CSMD1: variants seen among roughly 807,000 people sequenced by gnomAD.
The protein encoded by CSMD1 is CUB and Sushi multiple domains 1, also known as CUB and sushi domain-containing protein 1.
CSMD1 carries 213 observed loss-of-function variants against 417.5 expected under a neutral mutation model. The ratio of observed to expected loss-of-function variants is 0.51; its 90% confidence interval spans 0.46 to 0.57. CSMD1 has a LOEUF of 0.57. CSMD1 is among the 20% of genes least tolerant of loss of function. The pLI is 0.00. For synonymous variants in CSMD1, 2,862 were observed against 1,736.8 expected (o/e 1.65, Z -16.11); for missense variants, 6,923 against 4,529.7 (o/e 1.53, Z -15.17).
chr8:3,889,470 T>C (rs1212907489), intron 5 of CSMD1, among the ~76,000 whole-genome samples: 4 of 104,074 alleles, frequency 3.8e-5, no homozygotes, highest in East Asian at 2.8e-4. Context: ...TATATATATA[T>C]ATATATATAT....
chr8:4,224,455 G>C (rs983444963), intron 3 of CSMD1, among the ~76,000 whole-genome samples: 1 of 151,728 alleles, frequency 6.6e-6, no homozygotes, highest in Non-Finnish European at 1.5e-5. Flanking sequence ...TCAGAGGCCA[G>C]GTTGGGGAAT....
intron 1 of CSMD1, among the ~76,000 whole-genome samples, chr8:4,839,699 C>G (rs887366987): frequency 6.6e-6 from 1 of 152,140 alleles, no homozygotes; most frequent in Non-Finnish European, 1.5e-5. Context: ...CTCATGAACT[C>G]AAAGATAAGT....
chr8:4,106,977 T>A (rs569151935), intron 3 of CSMD1, among the ~76,000 whole-genome samples: 1 of 152,318 alleles, frequency 6.6e-6, no homozygotes, highest in East Asian at 1.9e-4. Flanking sequence ...CGTCAGAGAC[T>A]CAGCAGATGG....
At chr8:4,401,900 C>T (rs1239447648) in intron 3 of CSMD1, among the ~76,000 whole-genome samples, 1 of 152,112 alleles carries the variant, frequency 6.6e-6, no homozygotes, top group African/African-American at 2.4e-5. Context: ...AGGTTACTCA[C>T]ATGTAGATCC....
In CSMD1 at chr8:3,023,506, T is replaced by C. The variant is rs28417389; in HGVS notation, c.7856-4856A>G. On this transcript the variant is annotated intron_variant, in intron 51 of 69. Coordinates refer to ENST00000635120, the MANE Select transcript of CSMD1 (RefSeq NM_033225.6). ...CTCTACATATTCAATTTTAACTTTC[T>C]CTTATTGTTTCTTGAAGGACAGGAC... Among the ~76,000 whole-genome samples, 722 of 152,256 alleles carry C rather than the reference T, an allele frequency of 4.7e-3. 2 individuals carry two copies. Among genetic ancestry groups the C allele is most frequent in the Non-Finnish European group, 8.1e-3 (550 of 68,024 alleles).
At chr8:4,429,737 C>A (rs1018412932) in intron 2 of CSMD1, among the ~76,000 whole-genome samples, 10 of 152,124 alleles carry the variant, frequency 6.6e-5, no homozygotes, top group African/African-American at 1.2e-4. Flanking sequence ...TCCTGTAACC[C>A]ACAGCCGTAT....
chr8:4,052,493 G>T (rs906387173), intron 3 of CSMD1, among the ~76,000 whole-genome samples: 1 of 152,158 alleles, frequency 6.6e-6, no homozygotes, highest in Non-Finnish European at 1.5e-5. Flanking sequence ...GGGTCAGAGT[G>T]CAGTGGGAGA....
chr8:4,161,102 G>A (rs1027186820), intron 3 of CSMD1, among the ~76,000 whole-genome samples: 1 of 139,854 alleles, frequency 7.2e-6, no homozygotes, highest in African/African-American at 2.6e-5. Flanking sequence ...ACATTTCCAG[G>A]AAATATAAAC....
intron 3 of CSMD1, among the ~76,000 whole-genome samples, chr8:4,152,731 T>C (rs1796633644): frequency 1.3e-5 from 2 of 151,654 alleles, no homozygotes; most frequent in Non-Finnish European, 2.9e-5. Context: ...ACACACACAA[T>C]AGATATATAC....
At chr8:2,956,936 A>G (rs663659) in intron 63 of CSMD1, among the ~76,000 whole-genome samples, 68,705 of 151,894 alleles carry the variant, frequency 0.45, 17,252 homozygotes, top group African/African-American at 0.69. Context: ...AATTTGAGTA[A>G]TGATTTAGAG....
intron 18 of CSMD1, among the ~76,000 whole-genome samples, chr8:3,380,537 C>G (rs1010103138): frequency 6.6e-6 from 1 of 152,168 alleles, no homozygotes. Flanking sequence ...GGCACATATA[C>G]ATCATGGAAT....
rs113420810 is a variant in CSMD1 at position 4,240,289 on chromosome 8, T to C, written c.415+179664A>G. Among the ~76,000 whole-genome samples the C allele has an allele frequency of 4.8e-3, 737 of 152,332 alleles. 8 individuals carry two copies. The highest frequency in any genetic ancestry group is 0.017 in the African/African-American group (692 of 41,572). On this transcript the variant is annotated intron_variant, in intron 3 of 69. Coordinates refer to ENST00000635120, the MANE Select transcript of CSMD1 (RefSeq NM_033225.6). ...TTCACTGGGAAACCTCTGATTGCTT[T>C]GACCCTTATCACCTTGTACAAGTTA...
At chr8:4,039,879 T>C (rs1184753014) in intron 3 of CSMD1, among the ~76,000 whole-genome samples, 1 of 152,192 alleles carries the variant, frequency 6.6e-6, no homozygotes, top group Non-Finnish European at 1.5e-5. Context: ...TTGGACAAAT[T>C]ACTTAGATCT....
intron 3 of CSMD1, among the ~76,000 whole-genome samples, chr8:4,053,674 T>C (rs1585214180): frequency 6.6e-6 from 1 of 152,010 alleles, no homozygotes; most frequent in African/African-American, 2.4e-5. Flanking sequence ...ACCCCAAAAA[T>C]AGCAGGTTAA....
chr8:4,023,822 T>G (rs1796918459), intron 4 of CSMD1, among the ~76,000 whole-genome samples: 1 of 138,288 alleles, frequency 7.2e-6, no homozygotes, highest in Non-Finnish European at 1.5e-5. Flanking sequence ...TTTCAGCATG[T>G]TAGCCAGGAT....
At chr8:3,856,135 G>A (rs1804294144) in intron 5 of CSMD1, among the ~76,000 whole-genome samples, 1 of 152,064 alleles carries the variant, frequency 6.6e-6, no homozygotes, top group Admixed American at 6.6e-5. Flanking sequence ...GGGGCTTGGT[G>A]GGAGGTGACT....
intron 7 of CSMD1, among the ~76,000 whole-genome samples, chr8:3,657,111 T>A (rs746136463): frequency 1.3e-5 from 2 of 152,150 alleles, no homozygotes; most frequent in East Asian, 3.9e-4. Flanking sequence ...GACATTGTCA[T>A]TGGAGAATAT....
intron 54 of CSMD1, among the ~76,000 whole-genome samples, chr8:2,987,954 G>A (rs74829597): frequency 2.0e-4 from 30 of 151,424 alleles, no homozygotes; most frequent in Non-Finnish European, 4.3e-4. Context: ...AGGTAAATGT[G>A]TACCATGGGG....
At chr8:4,502,424 A>C (rs1802306213) in intron 2 of CSMD1, among the ~76,000 whole-genome samples, 1 of 152,076 alleles carries the variant, frequency 6.6e-6, no homozygotes, top group Non-Finnish European at 1.5e-5. Flanking sequence ...ATTCTTTCCC[A>C]CCCTTTGTCA....
Sources: gnomAD v4.1 joint callset for allele counts (sites outside exome capture counted in the v4.1 genomes callset) on GRCh38, gnomAD v4.1.1 for gene constraint, MANE v1.5 for transcripts, NCBI Gene and HGNC (gene_info 2026-07-23, HGNC 2026-07-21) for gene names.